Variants in ZBTB47 observed in about 807,000 individuals in gnomAD.
ZBTB47 encodes zinc finger and BTB domain containing 47.
Under a neutral mutation model 56.6 loss-of-function variants are expected in ZBTB47, and 24 were observed. That is an observed-to-expected ratio of 0.42 (90% confidence interval 0.31 to 0.60). The LOEUF is 0.60. ZBTB47 is among the 20% of genes least tolerant of loss of function. The pLI, the probability that ZBTB47 is intolerant of heterozygous loss-of-function variation, is 0.14. For synonymous variants in ZBTB47, 414 were observed against 418.9 expected, an observed-to-expected ratio of 0.99 and a Z score of 0.14; for missense variants, 829 against 1,032.6, an observed-to-expected ratio of 0.80 and a Z score of 2.70.
chr3:42,657,451 C>T (rs1480098024), intron 1 of ZBTB47, among the ~76,000 whole-genome samples: 7 of 152,334 alleles, frequency 4.6e-5, no homozygotes, highest in Admixed American at 3.3e-4. Context: ...TCCACCCCTG[C>T]AGAGCCCCTG....
chr3:42,666,287 C>T lies in ZBTB47; in HGVS notation c.*1689C>T, dbSNP rs186177120. ...GCCCAATTGATGTTGGAGCTGTAGA[C>T]GTACGCTCAGGCGCTCCTGCTGTCC... On this transcript the variant is annotated 3_prime_UTR_variant, in exon 6 of 6. Coordinates refer to ENST00000232974, the MANE Select transcript of ZBTB47 (RefSeq NM_145166.4). 5.4e-4 allele frequency among the ~76,000 whole-genome samples: 83 copies of T among 152,330 alleles called. No homozygotes were observed. The East Asian group carries it at 0.014, about 25-fold the overall frequency.
chr3:42,664,751 AGGAGGGGTATGCAGGCT>A lies in ZBTB47; in HGVS notation c.*156_*172del. The A allele has an allele frequency of 1.1e-6, 1 of 912,806 alleles. No individual in the cohort carries two copies. The highest frequency in any genetic ancestry group is 1.5e-6 in the Non-Finnish European group (1 of 685,554). 56.5% of individuals were successfully genotyped at this position (912,806 alleles called of 1,614,324 possible). A position where few individuals can be genotyped will look rare whatever the true frequency, so the allele number is the denominator to read the frequency against. On this transcript the variant is annotated 3_prime_UTR_variant, in exon 6 of 6. Coordinates refer to ENST00000232974, the MANE Select transcript of ZBTB47 (RefSeq NM_145166.4). ...ATGTACCCTGCCTGAGGCCCCGACGAGGAGGGGTATGCAGGCTGGCAGGCCCCAGAGCTGGTGGAGGG... is the reference window on the plus strand; with the variant it reads ...ATGTACCCTGCCTGAGGCCCCGACGAGGCAGGCCCCAGAGCTGGTGGAGGG...
Position 42,659,404 on chromosome 3 carries a change from G to T in ZBTB47, c.1049G>T (p.Gly350Val). ...QDQESSEEEE[G>V]EEGEAGGKQG... ...CAAGAGAGCTCTGAGGAGGAGGAGG[G>T]GGAGGAGGGGGAGGCTGGGGGCAAG... is the stretch of plus-strand genomic sequence containing the variant. The change falls in exon 2 of 6, where the codon GGG becomes GTG. Residue 350 changes from glycine to valine, a missense_variant. By Grantham distance (109) the Gly-to-Val change is moderately radical. This residue lies in a region of ZBTB47 where 359 missense variants were observed against 359.8 expected (regional missense o/e 1.00). Coordinates refer to ENST00000232974, the MANE Select transcript of ZBTB47 (RefSeq NM_145166.4). 6.3e-6 allele frequency: 9 copies of T among 1,436,756 alleles called. No individual in the cohort carries two copies. Among genetic ancestry groups the T allele is most frequent in the Non-Finnish European group, 8.2e-6 (9 of 1,098,748 alleles). The allele number at this position is 1,436,756 out of a possible 1,614,324, so 89.0% of individuals were successfully genotyped here.
At chr3:42,657,313 TCCC>T (rs1710650010) in intron 1 of ZBTB47, among the ~76,000 whole-genome samples, 2 of 152,206 alleles carry the variant, frequency 1.3e-5, no homozygotes, top group Admixed American at 1.3e-4. Context: ...GGCAGGGCTT[TCCC>T]AGAGCCTGTG....
rs1034638972 is a variant in ZBTB47, at chr3:42,654,048, T to A, written c.-82+165T>A. ...GTGGGGGTGGTGAGCGCGGCTGGGG[T>A]GCGGGGTTCAGTCCCTCAGCGTGGG... On this transcript the variant is annotated intron_variant, in intron 1 of 5. Transcript: ENST00000232974. The surrounding 1 kb of genome is among the most constrained non-coding windows in gnomAD (Gnocchi z 5.0). The A allele has an allele frequency of 5.9e-5, 9 of 151,712 alleles. No individual in the cohort carries two copies. The highest frequency in any genetic ancestry group is 2.2e-4 in the African/African-American group (9 of 41,110). 9.4% of individuals were successfully genotyped at this position (151,712 alleles called of 1,614,324 possible). A position where few individuals can be genotyped will look rare whatever the true frequency, so the allele number is the denominator to read the frequency against.
intron 1 of ZBTB47, 110 bp from the exon 2 acceptor site, chr3:42,658,165 G>A (rs1051535377): frequency 8.2e-6 from 10 of 1,223,596 alleles, no homozygotes; most frequent in Middle Eastern, 5.7e-4. Context: ...GTGGAGCCAC[G>A]AGTGATGGGC....
In ZBTB47 at chr3:42,664,941, C is replaced by G. The variant is rs1299466744; in HGVS notation, c.*343C>G. ...GGGGTCTGCAGCAGAAAGAAAGGGG[C>G]CTGGGCAGCAGGTGTGGCCAGTCCC... On this transcript the variant is annotated 3_prime_UTR_variant, in exon 6 of 6. Transcript: ENST00000232974. The G allele has an allele frequency of 1.0e-5, 2 of 192,762 alleles. No homozygotes were observed. The highest frequency in any genetic ancestry group is 6.1e-5 in the Admixed American group (1 of 16,276). The allele number at this position is 192,762 out of a possible 1,614,324, so 11.9% of individuals were successfully genotyped here. A position where few individuals can be genotyped will look rare whatever the true frequency, so the allele number is the denominator to read the frequency against.
In ZBTB47 at chr3:42,664,618, C is replaced by T. The variant is rs1262790320; in HGVS notation, c.*20C>T. Reference sequence around the variant, plus strand: ...AACTAGCTGCCGAGCTGCACCCGTGCACCCGCTGGGGCCTGGAGTCAGGGC... The same window carrying T: ...AACTAGCTGCCGAGCTGCACCCGTGTACCCGCTGGGGCCTGGAGTCAGGGC... On this transcript the variant is annotated 3_prime_UTR_variant, in exon 6 of 6. Coordinates refer to ENST00000232974, the MANE Select transcript of ZBTB47 (RefSeq NM_145166.4). 7.2e-6 allele frequency: 10 copies of T among 1,398,482 alleles called. No homozygotes were observed. The highest frequency in any genetic ancestry group is 9.2e-6 in the Non-Finnish European group (10 of 1,089,344). 86.6% of individuals were successfully genotyped at this position (1,398,482 alleles called of 1,614,324 possible).
intron 1 of ZBTB47, among the ~76,000 whole-genome samples, chr3:42,655,951 A>G (rs565520260): frequency 7.9e-5 from 12 of 152,342 alleles, no homozygotes; most frequent in African/African-American, 2.6e-4. Flanking sequence ...CAAAGTGCAC[A>G]TGGGAAGGTT....
Position 42,659,183 on chromosome 3 carries a change from GGACGAGGAGGAGGAGGAC to G in ZBTB47, c.846_863del (p.Asp282_Glu287del), listed in dbSNP as rs1188621015. 93 of 1,524,108 alleles carry G rather than the reference GGACGAGGAGGAGGAGGAC, an allele frequency of 6.1e-5. No homozygotes were observed. The highest frequency in any genetic ancestry group is 1.7e-4 in the Middle Eastern group (1 of 5,840). The allele number at this position is 1,524,108 out of a possible 1,614,324, so 94.4% of individuals were successfully genotyped here. A position where few individuals can be genotyped will look rare whatever the true frequency, so the allele number is the denominator to read the frequency against. On this transcript the variant is annotated inframe_deletion, in exon 2 of 6. Transcript: ENST00000232974. ...GGGAGGACGGGCTGCAGAGACACTCGGACGAGGAGGAGGAGGACGACGAGGAGGAGGAGGAGGAAGAAG... is the reference window on the plus strand; with the variant it reads ...GGGAGGACGGGCTGCAGAGACACTCGGACGAGGAGGAGGAGGAGGAAGAAG...
At position 42,659,096 on chromosome 3, in the gene ZBTB47, G is replaced by T; in HGVS notation, c.741G>T (p.Val247=). ...EVNLNNQTLH[V]STGPEGKPGA... The stretch of plus-strand genomic sequence containing the variant: ...ACCTCAACAACCAGACACTGCACGT[G>T]TCCACGGGGCCAGAGGGGAAGCCAG... Residue 247 remains valine, a synonymous_variant, in exon 2 of 6, where the codon GTG becomes GTT. Coordinates refer to ENST00000232974, the MANE Select transcript of ZBTB47 (RefSeq NM_145166.4). 6.7e-7 allele frequency: 1 copy of T among 1,501,162 alleles called. No individual in the cohort carries two copies. Among genetic ancestry groups the T allele is most frequent in the Non-Finnish European group, 8.9e-7 (1 of 1,128,482 alleles). 93.0% of individuals were successfully genotyped at this position (1,501,162 alleles called of 1,614,324 possible). A position where few individuals can be genotyped will look rare whatever the true frequency, so the allele number is the denominator to read the frequency against.
chr3:42,664,616 T>TGCACCCGC lies in ZBTB47; in HGVS notation c.*19_*26dup, dbSNP rs1205934219. 101 of 1,392,964 alleles carry TGCACCCGC rather than the reference T, an allele frequency of 7.3e-5. 1 individual carries two copies. In the East Asian group the frequency reaches 2.3e-3, roughly 32 times the overall value. 86.3% of individuals were successfully genotyped at this position (1,392,964 alleles called of 1,614,324 possible). A position where few individuals can be genotyped will look rare whatever the true frequency, so the allele number is the denominator to read the frequency against. On this transcript the variant is annotated 3_prime_UTR_variant, in exon 6 of 6. Transcript: ENST00000232974. ...ACAACTAGCTGCCGAGCTGCACCCG[T>TGCACCCGC]GCACCCGCTGGGGCCTGGAGTCAGG...
Position 42,658,554 on chromosome 3 carries a change from C to T in ZBTB47, c.199C>T (p.Leu67=). Residue 67 remains leucine, a synonymous_variant, in exon 2 of 6, where the codon CTG becomes TTG. Transcript: ENST00000232974. Reference sequence around the variant, plus strand: ...CCTGGAGGCACTGGCACCTGGTGGCCTGCAGCAGATCCTCAACTTCATCTA... The same window carrying T: ...CCTGGAGGCACTGGCACCTGGTGGCTTGCAGCAGATCCTCAACTTCATCTA... The part of the protein sequence containing the change: ...LSLEALAPGG[L]QQILNFIYTS... 1 of 1,537,228 alleles carries T rather than the reference C, an allele frequency of 6.5e-7. No homozygotes were observed. Among genetic ancestry groups the T allele is most frequent in the Non-Finnish European group, 8.7e-7 (1 of 1,146,934 alleles).
rs907676910 is a variant in ZBTB47, at chr3:42,666,936, G to C, written c.*2338G>C. Among the ~76,000 whole-genome samples, 1 of 152,252 alleles carries C rather than the reference G, an allele frequency of 6.6e-6. No individual in the cohort carries two copies. Among genetic ancestry groups the C allele is most frequent in the Non-Finnish European group, 1.5e-5 (1 of 68,046 alleles). On this transcript the variant is annotated 3_prime_UTR_variant, in exon 6 of 6. Coordinates refer to ENST00000232974, the MANE Select transcript of ZBTB47 (RefSeq NM_145166.4). ...CCTGCCCCACTGGGGATAGGAGCCTGTGTCCCTGGTGCTAAGCACTCTCTT... is the reference window on the plus strand; with the variant it reads ...CCTGCCCCACTGGGGATAGGAGCCTCTGTCCCTGGTGCTAAGCACTCTCTT...
At position 42,656,963 on chromosome 3, in the gene ZBTB47, C is replaced by T. The variant is rs2125836258; in HGVS notation, c.-81-1312C>T. Reference sequence around the variant, plus strand: ...GCCATCAAAATATTGTGGCAAGGTACCTCCCGAATGCAGGAGGCTCAGACC... The same window carrying T: ...GCCATCAAAATATTGTGGCAAGGTATCTCCCGAATGCAGGAGGCTCAGACC... On this transcript the variant is annotated intron_variant, in intron 1 of 5. Transcript: ENST00000232974. The surrounding 1 kb of genome is among the most constrained non-coding windows in gnomAD (Gnocchi z 5.8). Among the ~76,000 whole-genome samples, 1 of 152,306 alleles carries T rather than the reference C, an allele frequency of 6.6e-6. No homozygotes were observed. The highest frequency in any genetic ancestry group is 1.9e-4 in the East Asian group (1 of 5,180).
chr3:42,659,822 C>A lies in ZBTB47; in HGVS notation c.1467C>A (p.Asn489Lys). The A allele has an allele frequency of 6.2e-7, 1 of 1,602,224 alleles. No individual in the cohort carries two copies. Among genetic ancestry groups the A allele is most frequent in the Non-Finnish European group, 8.5e-7 (1 of 1,172,642 alleles). The change falls in exon 2 of 6, where the codon AAC (asparagine) becomes AAA (lysine). Residue 489 changes from asparagine (N) to lysine (K), a missense_variant. Coordinates refer to ENST00000232974, the MANE Select transcript of ZBTB47 (RefSeq NM_145166.4). The stretch of plus-strand genomic sequence containing the variant: ...ACAGGCAGACAGACTGCGAGCGCAA[C>A]ATCCAGGTGGGCCTCACGTGGCTGG... Reference protein sequence around the residue: ...LLHRQTDCERNIQCVTCGKAF... With the variant: ...LLHRQTDCERKIQCVTCGKAF...
chr3:42,660,357 G>T (rs1197252150), intron 2 of ZBTB47, among the ~76,000 whole-genome samples: 6 of 152,244 alleles, frequency 3.9e-5, no homozygotes, highest in African/African-American at 1.4e-4. Flanking sequence ...TATGGAGGAG[G>T]GGGCAGCCCA....
At chr3:42,653,166 G>C (rs918154123), upstream of ZBTB47, among the ~76,000 whole-genome samples, 1 of 152,182 alleles carries the variant, frequency 6.6e-6, no homozygotes, top group African/African-American at 2.4e-5. Flanking sequence ...GAGAGTGGGG[G>C]TGGGGGAGGA....
In ZBTB47 at chr3:42,665,302, C is replaced by T. The variant is rs918619646; in HGVS notation, c.*704C>T. On this transcript the variant is annotated 3_prime_UTR_variant, in exon 6 of 6. Transcript: ENST00000232974. ...CCCCACCCACTCTGCTGCCAGCAGG[C>T]CCAGGGATCCCTGACCTGCACCAGG... 1.4e-4 allele frequency: 22 copies of T among 152,788 alleles called. No homozygotes were observed. Among genetic ancestry groups the T allele is most frequent in the Non-Finnish European group, 4.4e-5 (3 of 68,200 alleles). The allele number at this position is 152,788 out of a possible 1,614,324, so 9.5% of individuals were successfully genotyped here.
Sources: allele counts gnomAD v4.1 joint callset (sites outside exome capture counted in the v4.1 genomes callset), GRCh38; gene constraint gnomAD v4.1.1; regional missense constraint gnomAD v4.1.1; non-coding constraint Gnocchi (gnomAD v3.1); transcripts MANE v1.5; gene names NCBI Gene and HGNC (gene_info 2026-07-23, HGNC 2026-07-21).